ARHGAP17: variants seen among roughly 807,000 people sequenced by gnomAD.
The protein encoded by ARHGAP17 is rho GTPase-activating protein 17.
Under a neutral mutation model 99.5 loss-of-function variants are expected in ARHGAP17, and 57 were observed. The observed-to-expected ratio is 0.57, with a 90% confidence interval of 0.46 to 0.71. ARHGAP17 has a LOEUF of 0.71. Among genes scored for constraint, ARHGAP17 ranks in the 30% least tolerant of loss-of-function variants. The pLI, the probability that ARHGAP17 is intolerant of heterozygous loss-of-function variation, is 0.00. For missense variants in ARHGAP17, 1,000 were observed against 1,122.4 expected, an observed-to-expected ratio of 0.89 and a Z score of 1.56; for synonymous variants, 417 against 429.6, an observed-to-expected ratio of 0.97 and a Z score of 0.36.
chr16:24,963,638 T>C (rs569134884), intron 7 of ARHGAP17, among the ~76,000 whole-genome samples: 7 of 152,324 alleles, frequency 4.6e-5, no homozygotes, highest in African/African-American at 1.7e-4. Context: ...GCAGAGAGAA[T>C]GAGATCACTT....
chr16:24,963,474 T>A (rs543671473), intron 7 of ARHGAP17, among the ~76,000 whole-genome samples: 14 of 152,300 alleles, frequency 9.2e-5, no homozygotes, highest in African/African-American at 2.4e-4. Context: ...ACAATTTTTT[T>A]AAAACAATGA....
chr16:24,993,858 A>G (rs934066052), intron 1 of ARHGAP17, among the ~76,000 whole-genome samples: 2 of 152,226 alleles, frequency 1.3e-5, no homozygotes, highest in African/African-American at 4.8e-5. Context: ...CCCTTACTTT[A>G]TTTATATTTG....
At chr16:24,951,682 C>A (rs1313324340) in intron 12 of ARHGAP17, among the ~76,000 whole-genome samples, 1 of 152,144 alleles carries the variant, frequency 6.6e-6, no homozygotes, top group Non-Finnish European at 1.5e-5. Context: ...ATTGTCTCCT[C>A]CTTACAATTT....
Position 24,920,190 on chromosome 16 carries a change from T to G in ARHGAP17, c.2586A>C (p.Lys862Asn). The part of the protein sequence containing the change: ...FPEMHSDSAS[K>N]DVPGRILLDI... The stretch of plus-strand genomic sequence containing the variant: ...CCAGCAGGATGCGGCCAGGCACGTC[T>G]TTGCTGGCTGAGTCTGAGTGCATTT... Residue 862 changes from lysine to asparagine, a missense_variant, in exon 20 of 20, where the codon AAA becomes AAC. Transcript: ENST00000289968. 1.2e-6 allele frequency: 2 copies of G among 1,614,136 alleles called. No homozygotes were observed. The highest frequency in any genetic ancestry group is 2.2e-5 in the South Asian group (2 of 91,082).
At chr16:24,939,295 CA>C in intron 17 of ARHGAP17, 68 bp downstream of exon 17, 1 of 1,430,342 alleles carries the variant, frequency 7.0e-7, no homozygotes, top group Non-Finnish European at 9.3e-7. Flanking sequence ...ATGCCGTGCT[CA>C]AAGGCCACCA....
chr16:25,001,353 T>C (rs1275520530), intron 1 of ARHGAP17, among the ~76,000 whole-genome samples: 1 of 152,238 alleles, frequency 6.6e-6, no homozygotes, highest in South Asian at 2.1e-4. Context: ...TCTCAAAGTT[T>C]AGTTCACAGA....
chr16:24,927,121 A>G (rs2050862816), intron 19 of ARHGAP17, among the ~76,000 whole-genome samples: 1 of 152,192 alleles, frequency 6.6e-6, no homozygotes, highest in Admixed American at 6.5e-5. Context: ...AAATAAAAAA[A>G]ATAGCCAGAT....
intron 1 of ARHGAP17, among the ~76,000 whole-genome samples, chr16:24,981,060 C>T (rs2141369827): frequency 6.6e-6 from 1 of 152,298 alleles, no homozygotes; most frequent in Non-Finnish European, 1.5e-5. Flanking sequence ...CCAATGTGGG[C>T]TATAAGCAGA....
At position 24,954,730 on chromosome 16, in the gene ARHGAP17, T is replaced by C; in HGVS notation, c.725A>G (p.Asp242Gly). ...AAAGGCTGGTTTTTCCGCCCACTTA[T>C]CTAGAGCAGCAAATTGTTCAGTTAG... ...KTLPEMRAHQ[D>G]KWAEKPAFGT... Residue 242 changes from aspartate (D) to glycine (G), a missense_variant and splice_region_variant, in exon 10 of 20, where the codon GAT (aspartate) becomes GGT (glycine). By Grantham distance (94) the Asp-to-Gly change is moderately conservative. Around this residue, in one of 2 missense-constraint regions of ARHGAP17, gnomAD observed 472 missense variants for 611.1 expected, o/e 0.77. Transcript: ENST00000289968. The C allele has an allele frequency of 1.9e-6, 3 of 1,613,730 alleles. No homozygotes were observed. The highest frequency in any genetic ancestry group is 2.7e-5 in the African/African-American group (2 of 75,036).
At chr16:24,995,088 G>T (rs929708813) in intron 1 of ARHGAP17, among the ~76,000 whole-genome samples, 1 of 152,102 alleles carries the variant, frequency 6.6e-6, no homozygotes, top group African/African-American at 2.4e-5. Context: ...AAAACCATGA[G>T]ATCTCATGAG....
At chr16:24,968,628 C>A (rs187031035) in intron 5 of ARHGAP17, 33 bp downstream of exon 5, 2 of 1,607,854 alleles carry the variant, frequency 1.2e-6, no homozygotes, top group Non-Finnish European at 1.7e-6. Context: ...ACACCACTCT[C>A]GGCTCTTCCG....
intron 4 of ARHGAP17, among the ~76,000 whole-genome samples, chr16:24,970,136 A>G (rs2141317383): frequency 6.6e-6 from 1 of 152,332 alleles, no homozygotes; most frequent in Non-Finnish European, 1.5e-5. Context: ...GACCGCCTGT[A>G]AACGATGTGA....
intron 19 of ARHGAP17, among the ~76,000 whole-genome samples, chr16:24,923,072 T>G (rs576810794): frequency 6.6e-6 from 1 of 152,238 alleles, no homozygotes; most frequent in East Asian, 1.9e-4. Context: ...CCCCACTAAC[T>G]AATCCTAAGG....
chr16:24,927,164 A>T (rs1376439364), intron 19 of ARHGAP17, among the ~76,000 whole-genome samples: 1 of 152,180 alleles, frequency 6.6e-6, no homozygotes, highest in East Asian at 1.9e-4. Flanking sequence ...CCAGGTACTC[A>T]GGAGGCTGAG....
Position 24,939,780 on chromosome 16 carries a change from A to C in ARHGAP17, c.1491-183T>G. The C allele has an allele frequency of 4.6e-6, 3 of 651,420 alleles. No individual in the cohort carries two copies. The South Asian group carries it at 5.5e-5, about 12-fold the overall frequency. 40.4% of individuals were successfully genotyped at this position (651,420 alleles called of 1,614,324 possible). A position where few individuals can be genotyped will look rare whatever the true frequency, so the allele number is the denominator to read the frequency against. On this transcript the variant is annotated intron_variant, in intron 16 of 19. Transcript: ENST00000289968. Reference sequence around the variant, plus strand: ...GCAACTCCACTCGGCTTCAAGCCTGAGCAAAGCCAATGAACCTGGTACTGT... The same window carrying C: ...GCAACTCCACTCGGCTTCAAGCCTGCGCAAAGCCAATGAACCTGGTACTGT...
At chr16:25,006,235 G>T (rs2053500852) in intron 1 of ARHGAP17, among the ~76,000 whole-genome samples, 1 of 151,448 alleles carries the variant, frequency 6.6e-6, no homozygotes, top group African/African-American at 2.4e-5. Context: ...ATCAAGGTCA[G>T]TTCCAGACCA....
intron 17 of ARHGAP17, chr16:24,935,869 G>A: frequency 1.9e-6 from 1 of 530,720 alleles, no homozygotes; most frequent in South Asian, 2.0e-5. Flanking sequence ...ATGAGGTCTT[G>A]CTATGTTGCC....
Position 24,930,982 on chromosome 16 carries a change from G to A in ARHGAP17, c.2317C>T (p.Leu773=). The A allele has an allele frequency of 6.2e-7, 1 of 1,614,000 alleles. No homozygotes were observed. The highest frequency in any genetic ancestry group is 8.5e-7 in the Non-Finnish European group (1 of 1,179,978). The change falls in exon 19 of 20, where the codon CTG becomes TTG. Residue 773 remains leucine, a synonymous_variant. Coordinates refer to ENST00000289968, the MANE Select transcript of ARHGAP17 (RefSeq NM_001006634.3). ...TPPLGKQNPS[L]PAPQTLAGGN... ...CCTGCCAGGGTCTGAGGAGCTGGCAGACTGGGGTTCTGTTTTCCTAGGGGC... is the reference window on the plus strand; with the variant it reads ...CCTGCCAGGGTCTGAGGAGCTGGCAAACTGGGGTTCTGTTTTCCTAGGGGC...
rs1022733490 is a variant in ARHGAP17, at chr16:24,931,240, C to T, written c.2059G>A (p.Gly687Ser). 61 of 1,518,648 alleles carry T rather than the reference C, an allele frequency of 4.0e-5. No individual in the cohort carries two copies. The highest frequency in any genetic ancestry group is 5.4e-5 in the Non-Finnish European group (61 of 1,131,596). 94.1% of individuals were successfully genotyped at this position (1,518,648 alleles called of 1,614,324 possible). A position where few individuals can be genotyped will look rare whatever the true frequency, so the allele number is the denominator to read the frequency against. ...AGCTGGGAGGGGGCGGAGGGCTGGC[C>T]TGGAGGCTGGCCCGTGTGCTGGGTG... ...PPTQHTGQPP[G>S]QPSAPSQLSA... The change falls in exon 19 of 20, where the codon GGC becomes AGC. Residue 687 changes from glycine to serine, a missense_variant. Gly to Ser is a moderately conservative substitution (Grantham distance 56, BLOSUM62 0). Transcript: ENST00000289968.
Sources: gnomAD v4.1 joint callset for allele counts (sites outside exome capture counted in the v4.1 genomes callset) on GRCh38, gnomAD v4.1.1 for gene constraint, gnomAD v4.1.1 regional missense constraint, MANE v1.5 for transcripts, NCBI Gene and HGNC (gene_info 2026-07-23, HGNC 2026-07-21) for gene names.